Variants in GAK observed in about 807,000 individuals in gnomAD.
GAK encodes the protein cyclin G associated kinase.
A neutral mutation model predicts 143.9 loss-of-function variants in GAK; 79 were observed. The ratio of observed to expected loss-of-function variants is 0.55; its 90% CI spans 0.46 to 0.66. The LOEUF (loss-of-function observed/expected upper bound fraction) is 0.66. Among genes scored for constraint, GAK ranks in the 30% least tolerant of loss-of-function variants. The pLI is 0.00. For missense variants in GAK, 1,693 were observed against 1,779.7 expected (o/e 0.95, Z 0.88); for synonymous variants, 881 against 765.5 (o/e 1.15, Z -2.49).
At chr4:928,502 C>T (rs1725192120) in intron 1 of GAK, among the ~76,000 whole-genome samples, 2 of 152,242 alleles carry the variant, frequency 1.3e-5, no homozygotes, top group Non-Finnish European at 2.9e-5. Context: ...CTGCACTCAA[C>T]ATGGGCGACA....
intron 13 of GAK, 137 bp downstream of exon 13, chr4:883,178 A>C: frequency 9.8e-7 from 1 of 1,020,546 alleles, no homozygotes; most frequent in Non-Finnish European, 1.4e-6. Flanking sequence ...CTCCTGTCCC[A>C]CGCTCTGCAG....
intron 1 of GAK, among the ~76,000 whole-genome samples, chr4:920,661 A>G (rs2152963093): frequency 6.7e-6 from 1 of 149,108 alleles, no homozygotes; most frequent in Non-Finnish European, 1.5e-5. Context: ...CTCCTGCCTC[A>G]GCCTCCCAAG....
At chr4:912,833 GT>G (rs760768464) in intron 2 of GAK, 39 bp from the exon 3 acceptor site, 11 of 1,579,422 alleles carry the variant, frequency 7.0e-6, no homozygotes, top group Non-Finnish European at 7.8e-6. Flanking sequence ...ATGAAAGCAA[GT>G]TTACCTTCCT....
Position 911,768 on chromosome 4 carries a change from G to T in GAK, c.287C>A (p.Pro96Gln). The change falls in exon 4 of 28, where the codon CCG becomes CAG. Residue 96 changes from proline (P) to glutamine (Q), a missense_variant. Coordinates refer to ENST00000314167, the MANE Select transcript of GAK (RefSeq NM_005255.4). ...VCFMKKLSGH[P>Q]NIVQFCSAAS... is the part of the protein sequence containing the mutation. ...TGCAGAACAAAACTGGACAATGTTC[G>T]GGTGGCCGGAAAGCTTTTTCTGCAG... The T allele has an allele frequency of 6.2e-7, 1 of 1,613,866 alleles. No individual in the cohort carries two copies. Among genetic ancestry groups the T allele is most frequent in the South Asian group, 1.1e-5 (1 of 91,052 alleles).
rs542675049 is a variant in GAK at position 859,243 on chromosome 4, T to C, written c.3283+363A>G. The C allele has an allele frequency of 4.7e-3, 5,702 of 1,201,794 alleles. 19 individuals are homozygous for C. Among genetic ancestry groups the C allele is most frequent in the Non-Finnish European group, 5.5e-3 (5,143 of 943,588 alleles). 74.4% of individuals were successfully genotyped at this position (1,201,794 alleles called of 1,614,324 possible). On this transcript the variant is annotated intron_variant, in intron 24 of 27. Transcript: ENST00000314167. The stretch of plus-strand genomic sequence containing the variant: ...GGGCTCGGTTCTTGTGGCCGACAGC[T>C]AGCACGCTCCGAGCACAGCCTCGGG...
chr4:925,235 A>G (rs925920069), intron 1 of GAK, among the ~76,000 whole-genome samples: 1 of 152,094 alleles, frequency 6.6e-6, no homozygotes, highest in African/African-American at 2.4e-5. Context: ...CCCAGGGGAC[A>G]CTCTGAGGAC....
At position 929,673 on chromosome 4, in the gene GAK, C is replaced by T. The variant is rs1266018956; in HGVS notation, c.145+2370G>A. Among the ~76,000 whole-genome samples, 3 of 142,586 alleles carry T rather than the reference C, an allele frequency of 2.1e-5. No individual in the cohort carries two copies. The Admixed American group carries it at 2.2e-4, about 10-fold the overall frequency. The allele number at this position is 142,586 out of a possible 152,430, so 93.5% of individuals were successfully genotyped here. Reference sequence around the variant, plus strand: ...AATCCATCCTGAGTAACAGCAAGACCTCGTCTCTTAAATTAAAAAAAAAAA... The same window carrying T: ...AATCCATCCTGAGTAACAGCAAGACTTCGTCTCTTAAATTAAAAAAAAAAA... On this transcript the variant is annotated intron_variant, in intron 1 of 27. Coordinates refer to ENST00000314167, the MANE Select transcript of GAK (RefSeq NM_005255.4).
chr4:880,179 T>C (rs1476083947), intron 15 of GAK, among the ~76,000 whole-genome samples: 1 of 151,836 alleles, frequency 6.6e-6, no homozygotes, highest in Admixed American at 6.6e-5. Flanking sequence ...GCACCCTGCA[T>C]GAGGGTCCTC....
chr4:867,274 G>A lies in GAK; in HGVS notation c.2554C>T (p.Leu852=), dbSNP rs777269727. 2.5e-6 allele frequency: 4 copies of A among 1,613,130 alleles called. No individual in the cohort carries two copies. The South Asian group carries it at 4.4e-5, about 18-fold the overall frequency. The change falls in exon 21 of 28, where the codon CTG becomes TTG. Residue 852 remains leucine (L), a synonymous_variant. Transcript: ENST00000314167. ...EPRADPEPPG[L]AAGLVQQDLV... ...TCCTGCTGCACCAGCCCTGCTGCCA[G>A]GCCGGGGGGCTCTGGGTCGGCCCTG...
chr4:890,253 TCCTGGGCCCTGC>T (rs1717374224), intron 10 of GAK, among the ~76,000 whole-genome samples: 1 of 152,158 alleles, frequency 6.6e-6, no homozygotes, highest in Admixed American at 6.5e-5. Flanking sequence ...GGGCCCGGTC[TCCTGGGCCCTGC>T]CCTGGAGCCT....
intron 5 of GAK, among the ~76,000 whole-genome samples, chr4:898,950 A>G (rs953210514): frequency 1.3e-5 from 2 of 152,232 alleles, no homozygotes; most frequent in Non-Finnish European, 2.9e-5. Flanking sequence ...CGCAGCTCTG[A>G]TAACAGGGCA....
At position 849,404 on chromosome 4, in the gene GAK, C is replaced by G. The variant is rs1291305891; in HGVS notation, c.*269G>C. Reference sequence around the variant, plus strand: ...GTGCCGGGGCTCCAGAGGCCACGCCCGAAACACCAAATAAATCACAGACGT... The same window carrying G: ...GTGCCGGGGCTCCAGAGGCCACGCCGGAAACACCAAATAAATCACAGACGT... On this transcript the variant is annotated 3_prime_UTR_variant, in exon 28 of 28. Transcript: ENST00000314167. The G allele has an allele frequency of 3.9e-6, 2 of 518,916 alleles. No homozygotes were observed. The highest frequency in any genetic ancestry group is 1.9e-5 in the African/African-American group (1 of 52,384). The allele number at this position is 518,916 out of a possible 1,614,324, so 32.1% of individuals were successfully genotyped here.
rs758315487 is a variant in GAK at position 851,994 on chromosome 4, A to C, written c.3284-20T>G. 6.3e-7 allele frequency: 1 copy of C among 1,599,710 alleles called. No individual in the cohort carries two copies. Among genetic ancestry groups the C allele is most frequent in the Non-Finnish European group, 8.6e-7 (1 of 1,169,186 alleles). On this transcript the variant is annotated intron_variant, in intron 24 of 27. Transcript: ENST00000314167. ...GTGAGCCTGTGGAGATGGAGATCGGAAACTCGGCATCTGGTTGTCCATGAG... is the reference window on the plus strand; with the variant it reads ...GTGAGCCTGTGGAGATGGAGATCGGCAACTCGGCATCTGGTTGTCCATGAG...
chr4:884,541 C>T (rs542506048), intron 11 of GAK, among the ~76,000 whole-genome samples: 10 of 152,302 alleles, frequency 6.6e-5, no homozygotes, highest in South Asian at 2.1e-4. Flanking sequence ...CAGCAGACGC[C>T]GCTGGAGGCA....
intron 4 of GAK, among the ~76,000 whole-genome samples, chr4:905,992 A>G (rs953499560): frequency 9.2e-5 from 14 of 152,260 alleles, no homozygotes; most frequent in African/African-American, 3.4e-4. Flanking sequence ...CAAGACGCCC[A>G]AGCGTCACCG....
chr4:897,547 G>A (rs1719029416), intron 6 of GAK, among the ~76,000 whole-genome samples: 1 of 152,212 alleles, frequency 6.6e-6, no homozygotes, highest in African/African-American at 2.4e-5. Flanking sequence ...AGCTTCGGAG[G>A]AGAGCCAAGG....
chr4:876,690 C>A, intron 17 of GAK, 81 bp from the exon 18 acceptor site: 1 of 1,244,782 alleles, frequency 8.0e-7, no homozygotes, highest in South Asian at 1.2e-5. Context: ...TCCCAATGGG[C>A]GAGATCTGAG....
rs750477519 is a variant in GAK at position 893,405 on chromosome 4, T to G, written c.962A>C (p.Asn321Thr). ...TGTGATGGGAGACTTGGGGTTCACG[T>G]TGCGGGCGGCCGCGATCTCCTGCAG... ...HQLQEIAAARNVNPKSPITEL... is the reference protein window; with the variant it reads ...HQLQEIAAARTVNPKSPITEL... The change falls in exon 9 of 28, where the codon AAC becomes ACC. Residue 321 changes from asparagine (N) to threonine (T), a missense_variant. Asn to Thr is a moderately conservative substitution (Grantham distance 65). Around this residue, in one of 2 missense-constraint regions of GAK, gnomAD observed 871 missense variants for 991.0 expected, o/e 0.88. Transcript: ENST00000314167. 5.7e-6 allele frequency: 9 copies of G among 1,588,674 alleles called. No individual in the cohort carries two copies. Among genetic ancestry groups the G allele is most frequent in the African/African-American group, 4.1e-5 (3 of 73,674 alleles).
intron 1 of GAK, among the ~76,000 whole-genome samples, chr4:924,890 G>T (rs1724467187): frequency 6.6e-6 from 1 of 151,934 alleles, no homozygotes; most frequent in Non-Finnish European, 1.5e-5. Context: ...TTGGGTTGTG[G>T]TGGTGGAGTT....
Sources: gnomAD v4.1 joint callset for allele counts (sites outside exome capture counted in the v4.1 genomes callset) on GRCh38, gnomAD v4.1.1 for gene constraint, gnomAD v4.1.1 regional missense constraint, MANE v1.5 for transcripts, NCBI Gene and HGNC (gene_info 2026-07-23, HGNC 2026-07-21) for gene names.